The following STK33 variants were observed in gnomAD, a reference collection of about 807,000 sequenced individuals.
STK33 encodes serine/threonine-protein kinase 33.
In STK33, 52 loss-of-function variants were observed where a neutral mutation model predicts 58.0. The observed-to-expected ratio is 0.90, with a 90% CI of 0.72 to 1.13. The LOEUF (loss-of-function observed/expected upper bound fraction) is 1.13, where lower values mean the gene tolerates loss of function less well. STK33 is among the 50% of genes most tolerant of loss of function. The pLI, the probability that STK33 is intolerant of heterozygous loss-of-function variation, is 0.00. For synonymous variants in STK33, 215 were observed against 200.1 expected, an observed-to-expected ratio of 1.07 and a Z score of -0.63; for missense variants, 630 against 604.2, an observed-to-expected ratio of 1.04 and a Z score of -0.45.
At chr11:8,538,597 GA>G (rs1339721953) in intron 1 of STK33, among the ~76,000 whole-genome samples, 1 of 152,138 alleles carries the variant, frequency 6.6e-6, no homozygotes, top group Non-Finnish European at 1.5e-5. Flanking sequence ...ACTAACTAAA[GA>G]AAAAAGCCAG....
chr11:8,428,556 C>T (rs1339279554), intron 14 of STK33, among the ~76,000 whole-genome samples: 1 of 152,174 alleles, frequency 6.6e-6, no homozygotes, highest in African/African-American at 2.4e-5. Flanking sequence ...GAGTCTCCTC[C>T]AGCAGGCCCT....
At chr11:8,399,926 T>G (rs11530481) in intron 15 of STK33, among the ~76,000 whole-genome samples, 1 of 152,116 alleles carries the variant, frequency 6.6e-6, no homozygotes, top group Admixed American at 6.5e-5. Flanking sequence ...CAGGAAGAAG[T>G]TGAATCTCTC....
chr11:8,462,418 C>CAT (rs760553817), intron 7 of STK33, among the ~76,000 whole-genome samples: 1 of 133,062 alleles, frequency 7.5e-6, no homozygotes, highest in East Asian at 2.1e-4. Flanking sequence ...TATACACACA[C>CAT]ATATATATAC....
At chr11:8,396,115 T>C (rs887701074) in intron 15 of STK33, among the ~76,000 whole-genome samples, 1 of 152,122 alleles carries the variant, frequency 6.6e-6, no homozygotes, top group Non-Finnish European at 1.5e-5. Flanking sequence ...TATATATATA[T>C]TTTTTGAGGT....
chr11:8,378,023 A>C, the STK33 span, among the ~76,000 whole-genome samples: 56 of 152,336 alleles, frequency 3.7e-4, no homozygotes, highest in South Asian at 0.011. Context: ...AAATGACCAT[A>C]CTGCCTGTAT....
chr11:8,378,893 A>T, the STK33 span, among the ~76,000 whole-genome samples: 2 of 152,234 alleles, frequency 1.3e-5, no homozygotes, highest in South Asian at 4.1e-4. Context: ...ACTTCAAATT[A>T]TACTACAAGG....
At chr11:8,579,393 T>A (rs1958406336) in intron 1 of STK33, among the ~76,000 whole-genome samples, 1 of 152,048 alleles carries the variant, frequency 6.6e-6, no homozygotes, top group Non-Finnish European at 1.5e-5. Context: ...TTTCAAATAC[T>A]TTAGTTCAAT....
the STK33 span, among the ~76,000 whole-genome samples, chr11:8,369,644 G>A: frequency 2.6e-5 from 4 of 152,150 alleles, no homozygotes; most frequent in African/African-American, 9.7e-5. Flanking sequence ...GCCTGAGTGG[G>A]GTTCCAGAGA....
At chr11:8,454,676 G>A (rs2137014310) in intron 10 of STK33, 68 bp downstream of exon 10, 1 of 1,481,912 alleles carries the variant, frequency 6.7e-7, no homozygotes, top group Non-Finnish European at 9.0e-7. Flanking sequence ...TCTAAAAAGA[G>A]GATGTACTTT....
At chr11:8,492,133 A>G (rs571955115) in intron 1 of STK33, among the ~76,000 whole-genome samples, 5 of 152,360 alleles carry the variant, frequency 3.3e-5, no homozygotes, top group South Asian at 4.1e-4. Context: ...TGCCCCAATT[A>G]AAAGACACAG....
intron 11 of STK33, among the ~76,000 whole-genome samples, chr11:8,442,347 T>C (rs1944862275): frequency 6.6e-6 from 1 of 152,222 alleles, no homozygotes; most frequent in Admixed American, 6.5e-5. Context: ...CAAGGGCAAA[T>C]TCTGTGACTA....
intron 4 of STK33, chr11:8,475,791 T>C (rs1210780997): frequency 6.6e-6 from 1 of 152,160 alleles, no homozygotes; most frequent in Non-Finnish European, 1.5e-5. Flanking sequence ...AAAGGAGTAC[T>C]TTGAGAAACT....
intron 8 of STK33, among the ~76,000 whole-genome samples, chr11:8,457,998 C>T (rs11041930): frequency 2.6e-5 from 4 of 151,986 alleles, no homozygotes. Flanking sequence ...CAGGTTGGGG[C>T]CAGGTTGTAA....
At position 8,392,566 on chromosome 11, in the gene STK33, C is replaced by A. The variant is rs779605649; in HGVS notation, c.1489G>T (p.Ala497Ser). 2 of 1,614,220 alleles carry A rather than the reference C, an allele frequency of 1.2e-6. No individual in the cohort carries two copies. Among genetic ancestry groups the A allele is most frequent in the South Asian group, 2.2e-5 (2 of 91,088 alleles). ...CCGGATTTAGCAGGGTACTTGGTTGCTGTTCCTTGGCTTGGAGTCACAGGG... is the reference window on the plus strand; with the variant it reads ...CCGGATTTAGCAGGGTACTTGGTTGATGTTCCTTGGCTTGGAGTCACAGGG... The part of the protein sequence containing the change: ...KTPVTPSQGT[A>S]TKYPAKSGAL... Residue 497 changes from alanine to serine, a missense_variant, in exon 16 of 16, where the codon GCA becomes TCA. Ala to Ser is a moderately conservative substitution (Grantham distance 99). Transcript: ENST00000687296.
chr11:8,520,488 G>C (rs1430974246), intron 1 of STK33, among the ~76,000 whole-genome samples: 3 of 152,088 alleles, frequency 2.0e-5, no homozygotes, highest in Admixed American at 6.6e-5. Context: ...TGGAAGTTCT[G>C]GCCAGGGCAA....
the STK33 span, among the ~76,000 whole-genome samples, chr11:8,346,729 C>A: frequency 6.6e-6 from 1 of 152,174 alleles, no homozygotes; most frequent in African/African-American, 2.4e-5. Flanking sequence ...CACCCCGACC[C>A]CTACTCTCAT....
chr11:8,561,368 T>C (rs1446381878), intron 1 of STK33, among the ~76,000 whole-genome samples: 1 of 152,202 alleles, frequency 6.6e-6, no homozygotes. Context: ...TTCAACTGCC[T>C]CCTGGCTTTG....
At chr11:8,339,397 G>C in the STK33 span, among the ~76,000 whole-genome samples, 1 of 152,196 alleles carries the variant, frequency 6.6e-6, no homozygotes, top group African/African-American at 2.4e-5. Flanking sequence ...GACCCAAGAG[G>C]CACAATTTTG....
At chr11:8,575,149 T>C (rs1958090349) in intron 1 of STK33, among the ~76,000 whole-genome samples, 1 of 152,210 alleles carries the variant, frequency 6.6e-6, no homozygotes, top group Non-Finnish European at 1.5e-5. Flanking sequence ...ACATTGCTGC[T>C]GGGAATTTAA....
Sources: allele counts gnomAD v4.1 joint callset (sites outside exome capture counted in the v4.1 genomes callset), GRCh38; gene constraint gnomAD v4.1.1; transcripts MANE v1.5; gene names NCBI Gene and HGNC (gene_info 2026-07-23, HGNC 2026-07-21).